TBCD: variants seen among roughly 807,000 people sequenced by gnomAD.
TBCD encodes the protein tubulin-specific chaperone D.
In TBCD, 105 loss-of-function variants were observed where a neutral mutation model predicts 169.3. The observed-to-expected ratio is 0.62, with a 90% CI of 0.53 to 0.73. The LOEUF (loss-of-function observed/expected upper bound fraction) is 0.73, where lower values mean the gene tolerates loss of function less well. Among genes scored for constraint, TBCD ranks in the 30% least tolerant of loss-of-function variants. TBCD has a pLI of 0.00. For synonymous variants in TBCD, 700 were observed against 643.9 expected (o/e 1.09, Z -1.32); for missense variants, 1,444 against 1,600.1 (o/e 0.90, Z 1.66).
In TBCD at chr17:82,883,268, C is replaced by T. The variant is rs1254741481; in HGVS notation, c.1476-877C>T. ...GGCGGCCTTGGAGGCCGCTTATCTCCGCGTGTCTGAAATTCTGTTTTCCAC... is the reference window on the plus strand; with the variant it reads ...GGCGGCCTTGGAGGCCGCTTATCTCTGCGTGTCTGAAATTCTGTTTTCCAC... On this transcript the variant is annotated intron_variant, in intron 14 of 38. Transcript: ENST00000355528. 2.6e-5 allele frequency among the ~76,000 whole-genome samples: 4 copies of T among 152,256 alleles called. No individual in the cohort carries two copies. The South Asian group carries it at 6.2e-4, about 24-fold the overall frequency.
chr17:82,756,605 G>A (rs1423122508), intron 2 of TBCD, among the ~76,000 whole-genome samples: 2 of 151,976 alleles, frequency 1.3e-5, no homozygotes, highest in African/African-American at 2.4e-5. Flanking sequence ...TCTGCCTCCC[G>A]AGTAGCTGGG....
intron 13 of TBCD, among the ~76,000 whole-genome samples, chr17:82,821,803 G>A (rs1275438212): frequency 6.6e-6 from 1 of 152,198 alleles, no homozygotes; most frequent in Non-Finnish European, 1.5e-5. Context: ...GCATCAGGTA[G>A]TAAGCCCTGC....
intron 6 of TBCD, among the ~76,000 whole-genome samples, chr17:82,777,921 G>C (rs1368404044): frequency 1.3e-5 from 2 of 152,276 alleles, no homozygotes; most frequent in East Asian, 1.9e-4. Flanking sequence ...GCTAGACCAC[G>C]GTCCGCTTGT....
chr17:82,753,322 G>A (rs1261571655), intron 1 of TBCD, among the ~76,000 whole-genome samples: 1 of 152,092 alleles, frequency 6.6e-6, no homozygotes, highest in East Asian at 1.9e-4. Flanking sequence ...CTGTTTCTTC[G>A]GGTGTAAGCT....
rs192418411 is a variant in TBCD at position 82,902,536 on chromosome 17, C to T, written c.1731-869C>T. Among the ~76,000 whole-genome samples, 13 of 152,276 alleles carry T rather than the reference C, an allele frequency of 8.5e-5. No individual in the cohort carries two copies. In the East Asian group the frequency reaches 2.3e-3, roughly 27 times the overall value. ...TGGAGTCCTGGCACATGAGACGCCA[C>T]CTGCCTCGAAGAGCTCTTTGTTTAC... On this transcript the variant is annotated intron_variant, in intron 18 of 38. Coordinates refer to ENST00000355528, the MANE Select transcript of TBCD (RefSeq NM_005993.5).
intron 13 of TBCD, chr17:82,838,805 G>A (rs1174570888): frequency 3.0e-6 from 3 of 985,338 alleles, no homozygotes; most frequent in African/African-American, 1.7e-5. Context: ...CTCTAGTTTC[G>A]GCAGGAGATC....
At chr17:82,875,458 T>C (rs6502010) in intron 14 of TBCD, among the ~76,000 whole-genome samples, 146,416 of 152,320 alleles carry the variant, frequency 0.96, 70,645 homozygotes, top group East Asian at 1. Flanking sequence ...TGCCATTGTG[T>C]GTCCAGTGAT....
chr17:82,921,325 G>T (rs2147151350), intron 24 of TBCD, 176 bp from the exon 25 acceptor site: 1 of 617,722 alleles, frequency 1.6e-6, no homozygotes. Context: ...GCCATGAGAG[G>T]AAGGGGCCTT....
intron 2 of TBCD, among the ~76,000 whole-genome samples, chr17:82,763,627 G>T (rs2047879834): frequency 6.6e-6 from 1 of 152,112 alleles, no homozygotes; most frequent in Non-Finnish European, 1.5e-5. Context: ...TGTAATTCCA[G>T]CTACTTGGGA....
intron 8 of TBCD, among the ~76,000 whole-genome samples, chr17:82,799,398 G>A (rs905958104): frequency 5.6e-5 from 7 of 125,146 alleles, no homozygotes; most frequent in Admixed American, 1.0e-4. Flanking sequence ...AGCTGAGATC[G>A]CGCCACAGCA....
At chr17:82,802,200 T>C (rs1215277546) in intron 9 of TBCD, among the ~76,000 whole-genome samples, 2 of 148,786 alleles carry the variant, frequency 1.3e-5, no homozygotes, top group African/African-American at 5.1e-5. Flanking sequence ...TGTGAACGGG[T>C]TGGTTCTCAA....
intron 12 of TBCD, among the ~76,000 whole-genome samples, chr17:82,811,925 A>G (rs1267071944): frequency 6.6e-6 from 1 of 152,134 alleles, no homozygotes; most frequent in African/African-American, 2.4e-5. Flanking sequence ...AGGAGGGTTA[A>G]CTTACTCCCC....
At chr17:82,767,164 G>T (rs1021171923) in intron 4 of TBCD, among the ~76,000 whole-genome samples, 4 of 152,164 alleles carry the variant, frequency 2.6e-5, no homozygotes, top group African/African-American at 9.7e-5. Context: ...TGCCTCAGAC[G>T]GCAGCGGGGC....
rs75439915 is a variant in TBCD at position 82,837,087 on chromosome 17, A to G, written c.1318+22153A>G. Among the ~76,000 whole-genome samples the G allele has an allele frequency of 7.5e-3, 1,136 of 152,344 alleles. 10 individuals carry two copies. Among genetic ancestry groups the G allele is most frequent in the African/African-American group, 0.026 (1,085 of 41,578 alleles). The stretch of plus-strand genomic sequence containing the variant: ...AGGGAGCACAGCTGCTTCAGTTGTA[A>G]GCCGGGCGTAGGTCACCTGATCTGT... On this transcript the variant is annotated intron_variant, in intron 13 of 38. Transcript: ENST00000355528.
intron 16 of TBCD, among the ~76,000 whole-genome samples, chr17:82,891,777 G>T (rs1024651858): frequency 2.6e-5 from 4 of 152,096 alleles, no homozygotes; most frequent in Non-Finnish European, 5.9e-5. Flanking sequence ...GGGGCTGGGG[G>T]CAGAGACGAG....
chr17:82,920,337 C>A lies in TBCD; in HGVS notation c.2039-219C>A. 1 of 594,044 alleles carries A rather than the reference C, an allele frequency of 1.7e-6. No homozygotes were observed. The highest frequency in any genetic ancestry group is 3.0e-6 in the Non-Finnish European group (1 of 338,064). The allele number at this position is 594,044 out of a possible 1,614,324, so 36.8% of individuals were successfully genotyped here. A position where few individuals can be genotyped will look rare whatever the true frequency, so the allele number is the denominator to read the frequency against. ...TTCTGCCACGTGGCTGGGTCTGCAG[C>A]ACTTTCTTCAGGCTGCTCAGCGGAG... On this transcript the variant is annotated intron_variant, in intron 23 of 38. Coordinates refer to ENST00000355528, the MANE Select transcript of TBCD (RefSeq NM_005993.5). The surrounding 1 kb of genome is among the most constrained non-coding windows in gnomAD (Gnocchi z 4.1).
At chr17:82,830,357 C>A in intron 13 of TBCD, 1 of 1,613,452 alleles carries the variant, frequency 6.2e-7, no homozygotes, top group Non-Finnish European at 8.5e-7. Flanking sequence ...GCATCCCCAT[C>A]GCCCACCCGG....
At chr17:82,859,721 A>C (rs1401863396) in intron 13 of TBCD, 2 of 985,414 alleles carry the variant, frequency 2.0e-6, no homozygotes, top group East Asian at 1.1e-4. Context: ...GTGGCTGTGG[A>C]AAGATTCCAG....
intron 2 of TBCD, among the ~76,000 whole-genome samples, chr17:82,760,029 A>G (rs1193082252): frequency 6.6e-6 from 1 of 151,392 alleles, no homozygotes; most frequent in Non-Finnish European, 1.5e-5. Flanking sequence ...ATGTGCCACC[A>G]CGCCTGGCTA....
Sources: allele counts gnomAD v4.1 joint callset (sites outside exome capture counted in the v4.1 genomes callset), GRCh38; gene constraint gnomAD v4.1.1; non-coding constraint Gnocchi (gnomAD v3.1); transcripts MANE v1.5; gene names NCBI Gene and HGNC (gene_info 2026-07-23, HGNC 2026-07-21).